Variants in STXBP4 observed in about 807,000 individuals in gnomAD.
STXBP4 encodes syntaxin-binding protein 4.
STXBP4 carries 55 observed loss-of-function variants against 76.1 expected under a neutral mutation model. That is an observed-to-expected ratio of 0.72 (90% CI 0.58 to 0.91). STXBP4 has a LOEUF of 0.91. Among genes scored for constraint, STXBP4 ranks in the 40% least tolerant of loss-of-function variants. STXBP4 has a pLI of 0.00. For missense variants in STXBP4, 618 were observed against 636.9 expected (o/e 0.97, Z 0.32); for synonymous variants, 201 against 220.2 (o/e 0.91, Z 0.77).
At chr17:55,149,779 C>T (rs976404126) in intron 17 of STXBP4, among the ~76,000 whole-genome samples, 6 of 152,104 alleles carry the variant, frequency 3.9e-5, no homozygotes, top group African/African-American at 1.4e-4. Context: ...TCTGTAAATA[C>T]CTACAAAGAT....
At position 55,089,836 on chromosome 17, in the gene STXBP4, GT is replaced by G. The variant is rs376521786; in HGVS notation, c.1489+8655del. Among the ~76,000 whole-genome samples, 223 of 152,266 alleles carry G rather than the reference GT, an allele frequency of 1.5e-3. 7 individuals are homozygous for G. The South Asian group carries it at 0.045, about 31-fold the overall frequency. ...TAAAAAGAGAATATATTGACTTCTT[GT>G]TAAATTGACAGCATAAGCACAGGCC... On this transcript the variant is annotated intron_variant, in intron 16 of 17. Transcript: ENST00000376352.
intron 16 of STXBP4, among the ~76,000 whole-genome samples, chr17:55,095,348 G>A (rs1048510270): frequency 2.0e-5 from 3 of 152,122 alleles, no homozygotes; most frequent in Non-Finnish European, 4.4e-5. Context: ...CCTATAACTG[G>A]ACAAACAAAA....
At chr17:55,106,187 A>G (rs188604703) in intron 16 of STXBP4, among the ~76,000 whole-genome samples, 2 of 152,006 alleles carry the variant, frequency 1.3e-5, no homozygotes, top group Admixed American at 1.3e-4. Flanking sequence ...TTCTTGTTGC[A>G]TTGATCCCTT....
At chr17:55,001,834 A>G (rs2077923366) in intron 7 of STXBP4, among the ~76,000 whole-genome samples, 1 of 152,184 alleles carries the variant, frequency 6.6e-6, no homozygotes, top group South Asian at 2.1e-4. Flanking sequence ...GCGTTTCACC[A>G]TGTTAGCCAG....
intron 4 of STXBP4, 43 bp downstream of exon 4, chr17:54,991,000 AC>A (rs772112923): frequency 2.5e-4 from 367 of 1,475,044 alleles, no homozygotes; most frequent in Non-Finnish European, 3.1e-4. Flanking sequence ...AAACAAAAAG[AC>A]CCACCAGTGG....
intron 14 of STXBP4, among the ~76,000 whole-genome samples, chr17:55,078,406 G>A (rs1835850166): frequency 6.6e-6 from 1 of 152,110 alleles, no homozygotes. Context: ...ACAAGGTGAT[G>A]GGATTCCAAG....
intron 1 of STXBP4, among the ~76,000 whole-genome samples, chr17:54,970,312 G>A (rs928354764): frequency 1.3e-5 from 2 of 150,050 alleles, no homozygotes; most frequent in African/African-American, 5.1e-5. Context: ...AAAAGATATT[G>A]ATTACTTTGT....
At chr17:55,066,485 A>G (rs1185018794) in intron 12 of STXBP4, among the ~76,000 whole-genome samples, 2 of 152,122 alleles carry the variant, frequency 1.3e-5, no homozygotes, top group East Asian at 3.9e-4. Flanking sequence ...TGGCCTTTCA[A>G]AGTGCTAGGA....
At chr17:55,212,353 A>G in the STXBP4 span, among the ~76,000 whole-genome samples, 1 of 152,218 alleles carries the variant, frequency 6.6e-6, no homozygotes, top group Non-Finnish European at 1.5e-5. Flanking sequence ...TGAATAAATT[A>G]TTGAATGAAT....
rs1375219084 is a variant in STXBP4 at position 55,007,609 on chromosome 17, A to G, written c.666+12A>G. ...AGAAACTGGAAATGGTAAAACCTTTAAATTTTCATTTTTCTTCCATAAGAC... is the reference window on the plus strand; with the variant it reads ...AGAAACTGGAAATGGTAAAACCTTTGAATTTTCATTTTTCTTCCATAAGAC... On this transcript the variant is annotated intron_variant, in intron 8 of 17. Coordinates refer to ENST00000376352, the MANE Select transcript of STXBP4 (RefSeq NM_178509.6). 1 of 1,589,884 alleles carries G rather than the reference A, an allele frequency of 6.3e-7. No homozygotes were observed. The highest frequency in any genetic ancestry group is 8.6e-7 in the Non-Finnish European group (1 of 1,166,712).
At chr17:55,020,918 G>A (rs1488718183) in intron 8 of STXBP4, among the ~76,000 whole-genome samples, 1 of 152,092 alleles carries the variant, frequency 6.6e-6, no homozygotes, top group East Asian at 1.9e-4. Flanking sequence ...CTCTGGAAAA[G>A]ATTTACATAT....
rs567216625 is a variant in STXBP4, at chr17:55,167,476, T to G, written c.*7565T>G. The G allele has an allele frequency of 6.6e-6, 1 of 152,314 alleles. No homozygotes were observed. Among genetic ancestry groups the G allele is most frequent in the African/African-American group, 2.4e-5 (1 of 41,560 alleles). The allele number at this position is 152,314 out of a possible 1,614,324, so 9.4% of individuals were successfully genotyped here. A position where few individuals can be genotyped will look rare whatever the true frequency, so the allele number is the denominator to read the frequency against. On this transcript the variant is annotated 3_prime_UTR_variant, in exon 18 of 18. Coordinates refer to ENST00000376352, the MANE Select transcript of STXBP4 (RefSeq NM_178509.6). Reference sequence around the variant, plus strand: ...AATGTGGGAACAATATAATGGATTTTGCTGAAGAAGGAAGTGTATGCTACT... The same window carrying G: ...AATGTGGGAACAATATAATGGATTTGGCTGAAGAAGGAAGTGTATGCTACT...
chr17:55,121,030 A>G (rs1185744270), intron 16 of STXBP4, among the ~76,000 whole-genome samples: 5 of 152,044 alleles, frequency 3.3e-5, no homozygotes, highest in Admixed American at 1.3e-4. Context: ...TTTTCCTCCC[A>G]TTTCCTTCCT....
chr17:55,089,039 A>G lies in STXBP4; in HGVS notation c.1489+7856A>G, dbSNP rs939925452. Among the ~76,000 whole-genome samples, 6 of 152,300 alleles carry G rather than the reference A, an allele frequency of 3.9e-5. 1 individual carries two copies. Among genetic ancestry groups the G allele is most frequent in the Non-Finnish European group, 7.4e-5 (5 of 68,022 alleles). ...ACAGAGCACCCCAATTGTTCATCCAATTTCATTGGCCAAATTGCTTAATTT... is the reference window on the plus strand; with the variant it reads ...ACAGAGCACCCCAATTGTTCATCCAGTTTCATTGGCCAAATTGCTTAATTT... On this transcript the variant is annotated intron_variant, in intron 16 of 17. Transcript: ENST00000376352.
chr17:55,163,643 TG>T lies in STXBP4; in HGVS notation c.*3734del, dbSNP rs1198314478. ...GAAATTTGCATGCTATGAGGCTAAA[TG>T]GTACTGATTCTCAAAACAAGGAGCT... is the stretch of plus-strand genomic sequence containing the variant. On this transcript the variant is annotated 3_prime_UTR_variant, in exon 18 of 18. Transcript: ENST00000376352. The T allele has an allele frequency of 6.6e-6, 1 of 152,332 alleles. No homozygotes were observed. Among genetic ancestry groups the T allele is most frequent in the East Asian group, 1.9e-4 (1 of 5,190 alleles). 9.4% of individuals were successfully genotyped at this position (152,332 alleles called of 1,614,324 possible).
chr17:55,179,740 A>T, the STXBP4 span, among the ~76,000 whole-genome samples: 33 of 152,148 alleles, frequency 2.2e-4, no homozygotes, highest in African/African-American at 7.0e-4. Context: ...TGATTTTCTT[A>T]ATGTTTTCTT....
chr17:55,102,249 TA>T (rs1361703670), intron 16 of STXBP4, among the ~76,000 whole-genome samples: 2 of 152,086 alleles, frequency 1.3e-5, no homozygotes, highest in East Asian at 3.9e-4. Context: ...CTACATTAGG[TA>T]TTTCTCCTAA....
Position 55,166,549 on chromosome 17 carries a change from C to A in STXBP4, c.*6638C>A, listed in dbSNP as rs1273207200. ...ATACTGTTTTCTGTCTAGGAAACTTCTCTTGCCCCATTCCTGCATCAGATT... is the reference window on the plus strand; with the variant it reads ...ATACTGTTTTCTGTCTAGGAAACTTATCTTGCCCCATTCCTGCATCAGATT... On this transcript the variant is annotated 3_prime_UTR_variant, in exon 18 of 18. Transcript: ENST00000376352. 6.6e-6 allele frequency: 1 copy of A among 152,270 alleles called. No homozygotes were observed. Among genetic ancestry groups the A allele is most frequent in the Non-Finnish European group, 1.5e-5 (1 of 68,084 alleles). The allele number at this position is 152,270 out of a possible 1,614,324, so 9.4% of individuals were successfully genotyped here.
chr17:55,196,386 C>T, the STXBP4 span, among the ~76,000 whole-genome samples: 1 of 152,192 alleles, frequency 6.6e-6, no homozygotes, highest in African/African-American at 2.4e-5. Context: ...CTTCCACGTA[C>T]AGCATTATTC....
Sources: allele counts gnomAD v4.1 joint callset (sites outside exome capture counted in the v4.1 genomes callset), GRCh38; gene constraint gnomAD v4.1.1; transcripts MANE v1.5; gene names NCBI Gene and HGNC (gene_info 2026-07-23, HGNC 2026-07-21).